ANGPTL2: variants seen among roughly 807,000 people sequenced by gnomAD.
ANGPTL2 encodes the protein angiopoietin-related protein 2.
Under a neutral mutation model 52.8 loss-of-function variants are expected in ANGPTL2, and 25 were observed. The ratio of observed to expected loss-of-function variants is 0.47; its 90% CI spans 0.35 to 0.66. The LOEUF is 0.66. Among genes scored for constraint, ANGPTL2 ranks in the 30% least tolerant of loss-of-function variants. The pLI, the probability that ANGPTL2 is intolerant of heterozygous loss-of-function variation, is 0.01. For missense variants in ANGPTL2, 546 were observed against 656.9 expected (o/e 0.83, Z 1.84); for synonymous variants, 276 against 277.4 (o/e 1.00, Z 0.05).
intron 2 of ANGPTL2, 27 bp downstream of exon 2, chr9:127,107,888 A>G (rs1194271374): frequency 2.0e-6 from 3 of 1,515,436 alleles, no homozygotes; most frequent in South Asian, 1.3e-5. Flanking sequence ...TGAGACCCAC[A>G]TGTAACACGA....
chr9:127,100,550 G>A (rs1039572816), intron 2 of ANGPTL2, among the ~76,000 whole-genome samples: 33 of 152,230 alleles, frequency 2.2e-4, no homozygotes, highest in African/African-American at 7.7e-4. Context: ...ACAGAGGTGA[G>A]CAGCTCACCT....
intron 4 of ANGPTL2, among the ~76,000 whole-genome samples, chr9:127,089,871 T>C (rs1316119252): frequency 3.3e-5 from 5 of 152,198 alleles, no homozygotes; most frequent in African/African-American, 9.7e-5. Flanking sequence ...TCTGCCAGCA[T>C]TGCTCTTAGT....
chr9:127,117,866 A>G (rs2055598931), intron 1 of ANGPTL2, among the ~76,000 whole-genome samples: 2 of 152,224 alleles, frequency 1.3e-5, no homozygotes, highest in African/African-American at 2.4e-5. Flanking sequence ...GTCCTCAGGC[A>G]TCTCTTGAAG....
intron 2 of ANGPTL2, among the ~76,000 whole-genome samples, chr9:127,099,150 CCT>C (rs1461616213): frequency 6.6e-6 from 1 of 152,196 alleles, no homozygotes; most frequent in African/African-American, 2.4e-5. Context: ...CTTTTTATCC[CCT>C]GAGTCCAGCC....
At chr9:127,121,391 G>A (rs932211635) in intron 1 of ANGPTL2, among the ~76,000 whole-genome samples, 1 of 152,208 alleles carries the variant, frequency 6.6e-6, no homozygotes, top group Admixed American at 6.5e-5. Flanking sequence ...AATACATGTG[G>A]GGAGCATTTG....
At position 127,091,763 on chromosome 9, in the gene ANGPTL2, G is replaced by A; in HGVS notation, c.1189C>T (p.Leu397=). ...CCCGCATTGCCATGGTAGCGCCCCAGCCGCAGCTTATAATACTCGCTCTCA... is the reference window on the plus strand; with the variant it reads ...CCCGCATTGCCATGGTAGCGCCCCAACCGCAGCTTATAATACTCGCTCTCA... ...EPESEYYKLR[L]GRYHGNAGDS... The change falls in exon 4 of 5, where the codon CTG becomes TTG. Residue 397 remains leucine (L), a synonymous_variant. Coordinates refer to ENST00000373425, the MANE Select transcript of ANGPTL2 (RefSeq NM_012098.3). The surrounding 1 kb of genome is among the most constrained non-coding windows in gnomAD (Gnocchi z 4.3). The A allele has an allele frequency of 6.2e-7, 1 of 1,614,162 alleles. No individual in the cohort carries two copies. The highest frequency in any genetic ancestry group is 8.5e-7 in the Non-Finnish European group (1 of 1,180,040).
chr9:127,108,193 T>G lies in ANGPTL2; in HGVS notation c.539A>C (p.Glu180Ala). Residue 180 changes from glutamate (E) to alanine (A), a missense_variant, in exon 2 of 5, where the codon GAG (glutamate) becomes GCG (alanine). Physicochemically the swap from Glu to Ala is moderately radical, Grantham distance 107 (BLOSUM62 -1). Transcript: ENST00000373425. ...LQLASKYKDL[E>A]HKYQHLATLA... The stretch of plus-strand genomic sequence containing the variant: ...TGTGGCCAGGTGCTGGTACTTGTGC[T>G]CCAGGTCCTTGTACTTGCTGGCCAG... 1 of 1,614,056 alleles carries G rather than the reference T, an allele frequency of 6.2e-7. No homozygotes were observed. Among genetic ancestry groups the G allele is most frequent in the Non-Finnish European group, 8.5e-7 (1 of 1,179,996 alleles).
intron 1 of ANGPTL2, among the ~76,000 whole-genome samples, chr9:127,118,545 T>A (rs1341906151): frequency 6.6e-6 from 1 of 152,216 alleles, no homozygotes; most frequent in Admixed American, 6.5e-5. Flanking sequence ...CAATCTTTGC[T>A]TTTTGGCCCA....
intron 3 of ANGPTL2, 116 bp downstream of exon 3, chr9:127,093,617 G>T: frequency 7.7e-7 from 1 of 1,295,644 alleles, no homozygotes; most frequent in Non-Finnish European, 1.1e-6. Context: ...GGCCGCACAG[G>T]CCTGGGCTTG....
At chr9:127,111,772 A>C (rs543122388) in intron 1 of ANGPTL2, among the ~76,000 whole-genome samples, 17 of 152,360 alleles carry the variant, frequency 1.1e-4, no homozygotes, top group African/African-American at 3.8e-4. Flanking sequence ...AGTGAGGCTG[A>C]GTGACTTGCC....
intron 1 of ANGPTL2, 50 bp from the exon 2 acceptor site, chr9:127,108,830 G>A: frequency 7.8e-7 from 1 of 1,284,772 alleles, no homozygotes; most frequent in East Asian, 2.5e-5. Context: ...CACTGTCAGT[G>A]CCCTGTGCCA....
At chr9:127,115,788 C>T (rs1225369229) in intron 1 of ANGPTL2, among the ~76,000 whole-genome samples, 1 of 152,246 alleles carries the variant, frequency 6.6e-6, no homozygotes, top group Non-Finnish European at 1.5e-5. Flanking sequence ...TGCTTGATCA[C>T]GCAAGTGGTA....
rs748996232 is a variant in ANGPTL2, at chr9:127,108,218, G to T, written c.514C>A (p.Leu172Met). ...ILNQTADMLQ[L>M]ASKYKDLEHK... Reference sequence around the variant, plus strand: ...TCCAGGTCCTTGTACTTGCTGGCCAGCTGCAGCATGTCGGCTGTCTGGTTC... The same window carrying T: ...TCCAGGTCCTTGTACTTGCTGGCCATCTGCAGCATGTCGGCTGTCTGGTTC... Residue 172 changes from leucine to methionine, a missense_variant, in exon 2 of 5, where the codon CTG becomes ATG. Physicochemically the swap from Leu to Met is conservative, Grantham distance 15. Transcript: ENST00000373425. 3.1e-6 allele frequency: 5 copies of T among 1,614,004 alleles called. No homozygotes were observed. Among genetic ancestry groups the T allele is most frequent in the Non-Finnish European group, 1.7e-6 (2 of 1,180,022 alleles).
chr9:127,108,531 A>G lies in ANGPTL2; in HGVS notation c.201T>C (p.Gly67=). 1.2e-6 allele frequency: 2 copies of G among 1,612,628 alleles called. No individual in the cohort carries two copies. The highest frequency in any genetic ancestry group is 1.7e-6 in the Non-Finnish European group (2 of 1,179,636). Residue 67 remains glycine (G), a synonymous_variant, in exon 2 of 5, where the codon GGT becomes GGC. Coordinates refer to ENST00000373425, the MANE Select transcript of ANGPTL2 (RefSeq NM_012098.3). ...GCTCCTTGGAGTTGACGCAGATGGC[A>G]CCCGTGACCCGCTGCTGGGGCACAA... is the stretch of plus-strand genomic sequence containing the variant. ...TFIVPQQRVT[G]AICVNSKEPE...
intron 1 of ANGPTL2, among the ~76,000 whole-genome samples, chr9:127,121,873 A>G (rs1045203697): frequency 6.6e-6 from 1 of 152,074 alleles, no homozygotes; most frequent in Non-Finnish European, 1.5e-5. Flanking sequence ...TTTGCCTCAC[A>G]TTGTCCCGGC....
At chr9:127,110,996 C>T (rs549059445) in intron 1 of ANGPTL2, among the ~76,000 whole-genome samples, 20 of 152,184 alleles carry the variant, frequency 1.3e-4, no homozygotes, top group African/African-American at 4.6e-4. Flanking sequence ...TATTCAAAAC[C>T]CCCCAGTGGC....
At chr9:127,116,289 G>A (rs961019993) in intron 1 of ANGPTL2, among the ~76,000 whole-genome samples, 6 of 152,056 alleles carry the variant, frequency 3.9e-5, no homozygotes, top group South Asian at 2.1e-4. Context: ...TGGAGGAGGC[G>A]GGTTGTGGTC....
intron 4 of ANGPTL2, among the ~76,000 whole-genome samples, chr9:127,090,198 C>T (rs2052297753): frequency 6.6e-6 from 1 of 152,186 alleles, no homozygotes; most frequent in South Asian, 2.1e-4. Context: ...CAGCGGAGGT[C>T]CCACACACCT....
rs773449807 is a variant in ANGPTL2 at position 127,091,950 on chromosome 9, A to G, written c.1012-10T>C. ...TGTTCCCAAACCCTTGCTGGGGAAA[A>G]CCCAGGAGAGTGTTAATGTGGAGCC... On this transcript the variant is annotated splice_polypyrimidine_tract_variant and intron_variant, in intron 3 of 4. Transcript: ENST00000373425. This position sits in a 1 kb window ranked among gnomAD's most constrained non-coding sequence, Gnocchi z 4.3. 6.2e-7 allele frequency: 1 copy of G among 1,612,672 alleles called. No homozygotes were observed. Among genetic ancestry groups the G allele is most frequent in the Admixed American group, 1.7e-5 (1 of 59,940 alleles).
Sources: gnomAD v4.1 joint callset for allele counts (sites outside exome capture counted in the v4.1 genomes callset) on GRCh38, gnomAD v4.1.1 for gene constraint, Gnocchi (gnomAD v3.1) non-coding constraint, MANE v1.5 for transcripts, NCBI Gene and HGNC (gene_info 2026-07-23, HGNC 2026-07-21) for gene names.